Variants in WIPF3 observed in about 807,000 individuals in gnomAD.
The protein encoded by WIPF3 is WAS/WASL interacting protein family member 3.
A neutral mutation model predicts 38.9 loss-of-function variants in WIPF3; 33 were observed. That is an observed-to-expected ratio of 0.85 (90% CI 0.64 to 1.14). The LOEUF (loss-of-function observed/expected upper bound fraction) is 1.14. Among genes scored for constraint, WIPF3 ranks in the 50% most tolerant of loss-of-function variants. WIPF3 has a pLI of 0.00. For synonymous variants in WIPF3, 324 were observed against 269.3 expected (o/e 1.20, Z -1.99); for missense variants, 711 against 652.5 (o/e 1.09, Z -0.98).
At chr7:29,814,722 T>G (rs1294910970) in intron 1 of WIPF3, among the ~76,000 whole-genome samples, 1 of 152,244 alleles carries the variant, frequency 6.6e-6, no homozygotes. Context: ...GAGATAGTTA[T>G]GTAAGTGACA....
At position 29,859,506 on chromosome 7, in the gene WIPF3, T is replaced by C. The variant is rs376790206; in HGVS notation, c.91-16324T>C. ...TTGGGGTTTCTTTGTTTTGTTTTGT[T>C]TTGTTTGGGTGTGGGGACTATCCCA... On this transcript the variant is annotated intron_variant, in intron 2 of 8. Coordinates refer to ENST00000242140, the MANE Select transcript of WIPF3 (RefSeq NM_001080529.3). Among the ~76,000 whole-genome samples, 33 of 152,276 alleles carry C rather than the reference T, an allele frequency of 2.2e-4. 1 individual carries two copies. Among genetic ancestry groups the C allele is most frequent in the African/African-American group, 7.7e-4 (32 of 41,550 alleles).
At chr7:29,815,083 A>G (rs923518395) in intron 1 of WIPF3, among the ~76,000 whole-genome samples, 7 of 152,184 alleles carry the variant, frequency 4.6e-5, no homozygotes, top group Non-Finnish European at 1.0e-4. Flanking sequence ...AAACGTTTCA[A>G]TGAAACATTT....
At chr7:29,820,736 C>G (rs998026404) in intron 1 of WIPF3, among the ~76,000 whole-genome samples, 2 of 151,906 alleles carry the variant, frequency 1.3e-5, no homozygotes, top group African/African-American at 2.4e-5. Context: ...TTAGTTTTTC[C>G]AAAACTAAAC....
intron 2 of WIPF3, among the ~76,000 whole-genome samples, chr7:29,837,249 G>A (rs1019188370): frequency 2.6e-5 from 4 of 151,700 alleles, no homozygotes; most frequent in East Asian, 3.9e-4. Context: ...CCAGCTACTC[G>A]GGAGGCTGAG....
chr7:29,859,339 G>T (rs896115552), intron 2 of WIPF3, among the ~76,000 whole-genome samples: 1 of 152,194 alleles, frequency 6.6e-6, no homozygotes, highest in Non-Finnish European at 1.5e-5. Context: ...ATGTCGGGAA[G>T]ATCAAAGGCC....
intron 1 of WIPF3, among the ~76,000 whole-genome samples, chr7:29,822,540 G>A (rs930106489): frequency 2.0e-5 from 3 of 152,140 alleles, no homozygotes; most frequent in African/African-American, 7.2e-5. Flanking sequence ...CAGTTCTGCT[G>A]CCATCCTACA....
chr7:29,860,151 C>T (rs1042111599), intron 2 of WIPF3, among the ~76,000 whole-genome samples: 1 of 152,142 alleles, frequency 6.6e-6, no homozygotes, highest in Non-Finnish European at 1.5e-5. Context: ...ATTGGAGAAA[C>T]AACATGAAAG....
intron 1 of WIPF3, among the ~76,000 whole-genome samples, chr7:29,831,521 T>C (rs1369538146): frequency 2.0e-5 from 3 of 152,248 alleles, no homozygotes; most frequent in Non-Finnish European, 4.4e-5. Flanking sequence ...TCATGACAAC[T>C]TTCTAAACAT....
chr7:29,881,303 C>T (rs752977435), intron 4 of WIPF3, among the ~76,000 whole-genome samples: 6 of 152,122 alleles, frequency 3.9e-5, no homozygotes, highest in East Asian at 3.9e-4. Context: ...AGCTAAGCTC[C>T]GTGAAGGCAG....
At chr7:29,829,888 G>C (rs1784689251) in intron 1 of WIPF3, among the ~76,000 whole-genome samples, 2 of 152,124 alleles carry the variant, frequency 1.3e-5, no homozygotes, top group Admixed American at 1.3e-4. Flanking sequence ...TCATGAATTG[G>C]GAGAAAGTAT....
chr7:29,846,807 A>G (rs1248019725), intron 2 of WIPF3, among the ~76,000 whole-genome samples: 2 of 152,254 alleles, frequency 1.3e-5, no homozygotes, highest in African/African-American at 4.8e-5. Flanking sequence ...TGTCTGCTTC[A>G]GTAGGGATCA....
chr7:29,907,892 A>AG (rs2128081476), intron 8 of WIPF3, among the ~76,000 whole-genome samples: 1 of 152,356 alleles, frequency 6.6e-6, no homozygotes, highest in African/African-American at 2.4e-5. Flanking sequence ...GAAATGAGAA[A>AG]CAAATTTAAA....
intron 2 of WIPF3, among the ~76,000 whole-genome samples, chr7:29,854,404 G>C (rs1193807525): frequency 1.3e-5 from 2 of 152,178 alleles, no homozygotes; most frequent in African/African-American, 4.8e-5. Context: ...ATTTTAATAT[G>C]CACTATTAGC....
At chr7:29,846,298 TGCTA>T (rs1784999499) in intron 2 of WIPF3, among the ~76,000 whole-genome samples, 1 of 152,238 alleles carries the variant, frequency 6.6e-6, no homozygotes, top group African/African-American at 2.4e-5. Flanking sequence ...ACTTTGTACA[TGCTA>T]GCAATAGATT....
chr7:29,909,054 A>G, intron 8 of WIPF3, among the ~76,000 whole-genome samples: 1 of 152,190 alleles, frequency 6.6e-6, no homozygotes. Context: ...CAACCAATGG[A>G]TCAAAGAATA....
At chr7:29,894,764 GAC>G (rs34105700) in intron 7 of WIPF3, among the ~76,000 whole-genome samples, 4,869 of 147,926 alleles carry the variant, frequency 0.033, 81 homozygotes, top group South Asian at 0.1. Context: ...CTCTCTTTCT[GAC>G]ACACACACAC....
At chr7:29,843,548 G>A (rs1367759111) in intron 2 of WIPF3, among the ~76,000 whole-genome samples, 1 of 152,198 alleles carries the variant, frequency 6.6e-6, no homozygotes, top group Non-Finnish European at 1.5e-5. Flanking sequence ...CTGGAGCAAT[G>A]ATTCCTAACT....
chr7:29,892,782 G>A (rs1786050412), intron 7 of WIPF3, among the ~76,000 whole-genome samples: 1 of 152,190 alleles, frequency 6.6e-6, no homozygotes. Context: ...TAGAGACCAG[G>A]GTCAGGGAAC....
intron 2 of WIPF3, among the ~76,000 whole-genome samples, chr7:29,868,202 T>C (rs1177155527): frequency 6.6e-6 from 1 of 152,104 alleles, no homozygotes; most frequent in African/African-American, 2.4e-5. Context: ...GTTTGGCAGA[T>C]ATGGCAGAGT....
Sources: allele counts gnomAD v4.1 joint callset (sites outside exome capture counted in the v4.1 genomes callset), GRCh38; gene constraint gnomAD v4.1.1; transcripts MANE v1.5; gene names NCBI Gene and HGNC (gene_info 2026-07-23, HGNC 2026-07-21).